The following HDAC8 variants were observed in gnomAD, a reference collection of about 807,000 sequenced individuals.
HDAC8 encodes histone deacetylase-like 1.
HDAC8 carries 1 observed loss-of-function variant against 32.2 expected under a neutral mutation model. The ratio of observed to expected loss-of-function variants is 0.03; its 90% confidence interval spans 0.01 to 0.15. The LOEUF (loss-of-function observed/expected upper bound fraction) is 0.15. Among genes scored for constraint, HDAC8 ranks in the 10% least tolerant of loss-of-function variants. The pLI is 1.00. For missense variants in HDAC8, 117 were observed against 300.0 expected (o/e 0.39, Z 4.51); for synonymous variants, 108 against 113.9 (o/e 0.95, Z 0.33).
chrX:72,437,312 T>C (rs1555979597), intron 9 of HDAC8, among the ~76,000 whole-genome samples: 1 of 111,762 alleles, frequency 8.9e-6, no homozygotes, highest in African/African-American at 3.3e-5. Flanking sequence ...ATGGCCCAGA[T>C]ACTACACTTT....
At chrX:72,553,236 G>A (rs1192829669) in intron 4 of HDAC8, among the ~76,000 whole-genome samples, 1 of 110,909 alleles carries the variant, frequency 9.0e-6, no homozygotes, top group African/African-American at 3.3e-5. Context: ...AGTAGAGACG[G>A]GGTTTCACCA....
At chrX:72,492,221 C>T (rs376435892) in intron 5 of HDAC8, among the ~76,000 whole-genome samples, 1 of 112,193 alleles carries the variant, frequency 8.9e-6, no homozygotes, top group East Asian at 2.8e-4. Flanking sequence ...TACACTTGGA[C>T]CAATCATGTA....
At chrX:72,379,490 G>GTTTTTTTTTTTTTTTT (rs1191306787) in intron 9 of HDAC8, among the ~76,000 whole-genome samples, 1 of 38,887 alleles carries the variant, frequency 2.6e-5, no homozygotes, top group Non-Finnish European at 4.4e-5. Context: ...TTTGTTTAGT[G>GTTTTTTTTTTTTTTTT]TTTTTTTTTT....
At chrX:72,543,404 TGG>T (rs2050766844) in intron 4 of HDAC8, among the ~76,000 whole-genome samples, 2 of 111,286 alleles carry the variant, frequency 1.8e-5, no homozygotes, top group Non-Finnish European at 3.8e-5. Context: ...GGAGAGCAGG[TGG>T]CCGTGGGACT....
intron 3 of HDAC8, 70 bp downstream of exon 3, chrX:72,568,683 TA>T: frequency 8.9e-7 from 1 of 1,126,755 alleles, no homozygotes; most frequent in Non-Finnish European, 1.2e-6. Flanking sequence ...CGAAAAATAT[TA>T]AAAAAATCAT....
intron 1 of HDAC8, 106 bp from the exon 2 acceptor site, chrX:72,572,215 G>C (rs1304061434): frequency 1.3e-6 from 1 of 778,606 alleles, no homozygotes; most frequent in Non-Finnish European, 1.8e-6. Flanking sequence ...CAAAGGAACG[G>C]ATTAATTTTG....
intron 4 of HDAC8, among the ~76,000 whole-genome samples, chrX:72,514,844 C>A (rs1422441312): frequency 8.9e-6 from 1 of 111,764 alleles, no homozygotes. Flanking sequence ...ATTCCACTTA[C>A]AGAAGAGGCT....
chrX:72,488,275 C>T (rs2048746677), intron 7 of HDAC8, among the ~76,000 whole-genome samples: 1 of 110,807 alleles, frequency 9.0e-6, no homozygotes, highest in Admixed American at 9.6e-5. Flanking sequence ...GACTTCTATT[C>T]GGATTTGCTT....
chrX:72,430,208 G>A (rs782523256), intron 9 of HDAC8, among the ~76,000 whole-genome samples: 13 of 111,574 alleles, frequency 1.2e-4, no homozygotes, highest in Non-Finnish European at 2.3e-4. Context: ...AACCCTTGGC[G>A]TAGGCTCCGG....
At chrX:72,555,033 C>G (rs972581447) in intron 4 of HDAC8, among the ~76,000 whole-genome samples, 7 of 112,304 alleles carry the variant, frequency 6.2e-5, no homozygotes, top group Admixed American at 3.7e-4. Context: ...GCTACCTCCA[C>G]TGGAGCAACT....
At chrX:72,452,964 T>C (rs782497588) in intron 9 of HDAC8, among the ~76,000 whole-genome samples, 2 of 109,816 alleles carry the variant, frequency 1.8e-5, no homozygotes, top group African/African-American at 6.6e-5. Context: ...ATGAACCTAG[T>C]GAGGAGAGAA....
At chrX:72,571,553 C>CTTTTTTTTTTTTTT (rs782331910) in intron 2 of HDAC8, among the ~76,000 whole-genome samples, 1 of 30,449 alleles carries the variant, frequency 3.3e-5, no homozygotes, top group Non-Finnish European at 5.9e-5. Context: ...TTCTTTCTTT[C>CTTTTTTTTTTTTTT]TTTTTTTTTT....
intron 9 of HDAC8, among the ~76,000 whole-genome samples, chrX:72,447,251 C>A (rs782323260): frequency 5.6e-4 from 63 of 112,079 alleles, no homozygotes; most frequent in Non-Finnish European, 1.0e-3. Flanking sequence ...AATCAAGTTG[C>A]CTTCATCCCT....
chrX:72,570,744 G>C (rs2052001428), intron 2 of HDAC8, among the ~76,000 whole-genome samples: 1 of 111,647 alleles, frequency 9.0e-6, no homozygotes, highest in Non-Finnish European at 1.9e-5. Context: ...TAGTTGGTAT[G>C]AGCACTCACC....
intron 9 of HDAC8, among the ~76,000 whole-genome samples, chrX:72,433,556 G>T (rs1243394838): frequency 8.9e-6 from 1 of 111,776 alleles, no homozygotes; most frequent in Non-Finnish European, 1.9e-5. Flanking sequence ...CCATTGATGT[G>T]CTTTAAGAGA....
At chrX:72,536,935 C>G (rs1175147510) in intron 4 of HDAC8, among the ~76,000 whole-genome samples, 2 of 111,830 alleles carry the variant, frequency 1.8e-5, no homozygotes, top group African/African-American at 6.5e-5. Context: ...ATGTAATTGA[C>G]CCAGCACAGA....
intron 9 of HDAC8, among the ~76,000 whole-genome samples, chrX:72,443,100 C>T (rs1416817047): frequency 9.1e-6 from 1 of 109,741 alleles, no homozygotes; most frequent in Admixed American, 9.7e-5. Context: ...GACTTTAACA[C>T]CCCACTGTCA....
At chrX:72,453,464 T>TAAAGAAAG (rs61443640) in intron 9 of HDAC8, among the ~76,000 whole-genome samples, 13,062 of 67,084 alleles carry the variant, frequency 0.19, 1,470 homozygotes, top group Admixed American at 0.24. Flanking sequence ...CTCTTAAAAA[T>TAAAGAAAG]AAAGAAAGAA....
At chrX:72,334,499 A>G (rs1245030727) in intron 10 of HDAC8, among the ~76,000 whole-genome samples, 1 of 111,510 alleles carries the variant, frequency 9.0e-6, no homozygotes, top group Non-Finnish European at 1.9e-5. Context: ...CCTGCTGGCA[A>G]AAGTGGGCAG....
Sources: gnomAD v4.1 joint callset for allele counts (sites outside exome capture counted in the v4.1 genomes callset) on GRCh38, gnomAD v4.1.1 for gene constraint, MANE v1.5 for transcripts, NCBI Gene and HGNC (gene_info 2026-07-23, HGNC 2026-07-21) for gene names.